The following NDUFB5 variants were observed in gnomAD, a reference collection of about 807,000 sequenced individuals.
The protein encoded by NDUFB5 is NADH:ubiquinone oxidoreductase subunit B5, also known as NADH dehydrogenase [ubiquinone] 1 beta subcomplex subunit 5, mitochondrial.
A neutral mutation model predicts 19.4 loss-of-function variants in NDUFB5; 19 were observed. That is an observed-to-expected ratio of 0.98 (90% CI 0.68 to 1.43). NDUFB5 has a LOEUF of 1.43. NDUFB5 is among the 40% of genes most tolerant of loss of function. The pLI, the probability that NDUFB5 is intolerant of heterozygous loss-of-function variation, is 0.00. For missense variants in NDUFB5, 233 were observed against 236.5 expected, an observed-to-expected ratio of 0.99 and a Z score of 0.10; for synonymous variants, 80 against 82.6, an observed-to-expected ratio of 0.97 and a Z score of 0.17.
At chr3:179,606,581 A>C (rs1242306987) in intron 1 of NDUFB5, among the ~76,000 whole-genome samples, 2 of 152,042 alleles carry the variant, frequency 1.3e-5, no homozygotes, top group Non-Finnish European at 2.9e-5. Context: ...CTCGTGATCC[A>C]CCTGCCTTGG....
chr3:179,611,547 G>T (rs970980051), intron 1 of NDUFB5, among the ~76,000 whole-genome samples: 1 of 151,976 alleles, frequency 6.6e-6, no homozygotes, highest in Admixed American at 6.6e-5. Context: ...CGAGTAGCTG[G>T]GATCACAGGC....
intron 1 of NDUFB5, among the ~76,000 whole-genome samples, chr3:179,608,028 T>TCTTG (rs1719148782): frequency 6.6e-6 from 1 of 152,064 alleles, no homozygotes; most frequent in Non-Finnish European, 1.5e-5. Context: ...TGAGACAGAG[T>TCTTG]CTTGCTCTGT....
intron 1 of NDUFB5, among the ~76,000 whole-genome samples, chr3:179,606,698 A>T (rs1350092659): frequency 6.6e-6 from 1 of 152,208 alleles, no homozygotes; most frequent in East Asian, 1.9e-4. Context: ...TTAGATATAT[A>T]CTGTAAGCTA....
At chr3:179,621,539 C>A in intron 5 of NDUFB5, among the ~76,000 whole-genome samples, 1 of 119,160 alleles carries the variant, frequency 8.4e-6, no homozygotes, top group African/African-American at 2.6e-5. Context: ...GTCTCCCAGG[C>A]TGGAGTACAG....
chr3:179,604,839 G>A lies in NDUFB5; in HGVS notation c.24G>A (p.Arg8=), dbSNP rs758096907. 3.7e-6 allele frequency: 6 copies of A among 1,606,226 alleles called. No individual in the cohort carries two copies. In the South Asian group the frequency reaches 5.5e-5, roughly 15 times the overall value. Residue 8 remains arginine (R), a synonymous_variant, in exon 1 of 6, where the codon CGG becomes CGA. Coordinates refer to ENST00000259037, the MANE Select transcript of NDUFB5 (RefSeq NM_002492.4). Reference sequence around the variant, plus strand: ...CCATGGCGGCCATGAGTTTGTTGCGGCGGGTTTCGGTTACTGCGGTGGCAG... The same window carrying A: ...CCATGGCGGCCATGAGTTTGTTGCGACGGGTTTCGGTTACTGCGGTGGCAG... MAAMSLL[R]RVSVTAVAAL... is the part of the protein sequence containing the mutation.
chr3:179,611,721 A>G (rs1243857629), intron 1 of NDUFB5, among the ~76,000 whole-genome samples: 1 of 152,064 alleles, frequency 6.6e-6, no homozygotes, highest in African/African-American at 2.4e-5. Context: ...TTTGACACAC[A>G]AAAAGTTCCC....
intron 5 of NDUFB5, among the ~76,000 whole-genome samples, chr3:179,623,440 A>G (rs1343161840): frequency 2.6e-5 from 4 of 152,232 alleles, no homozygotes; most frequent in Admixed American, 2.6e-4. Context: ...TGGGAGGCCA[A>G]GGCAGGCAGA....
intron 1 of NDUFB5, among the ~76,000 whole-genome samples, chr3:179,612,539 G>T (rs1028152643): frequency 6.8e-6 from 1 of 146,648 alleles, no homozygotes; most frequent in Non-Finnish European, 1.5e-5. Flanking sequence ...GCAGTGGCGC[G>T]ATCTAGGCTC....
chr3:179,624,273 G>A lies in NDUFB5; in HGVS notation c.*233G>A, dbSNP rs1719612170. ...TAGGAATTTGTGAACTCCTAAAATT[G>A]TAGCAACTTTGAAAGGTTAGTGTTT... is the stretch of plus-strand genomic sequence containing the variant. On this transcript the variant is annotated 3_prime_UTR_variant, in exon 6 of 6. Transcript: ENST00000259037. 3.0e-6 allele frequency: 1 copy of A among 332,406 alleles called. No homozygotes were observed. The highest frequency in any genetic ancestry group is 5.0e-5 in the South Asian group (1 of 20,034). 20.6% of individuals were successfully genotyped at this position (332,406 alleles called of 1,614,324 possible).
chr3:179,612,067 A>C (rs146169478), intron 1 of NDUFB5, among the ~76,000 whole-genome samples: 5,518 of 151,988 alleles, frequency 0.036, 325 homozygotes, highest in African/African-American at 0.12. Flanking sequence ...CTCCCGCCTC[A>C]GCCTCCCGAG....
At chr3:179,616,516 C>G (rs4147791) in intron 3 of NDUFB5, among the ~76,000 whole-genome samples, 2 of 151,828 alleles carry the variant, frequency 1.3e-5, no homozygotes, top group African/African-American at 4.8e-5. Flanking sequence ...CACTCCAGCC[C>G]GGGCAACAGA....
Position 179,623,954 on chromosome 3 carries a change from G to A in NDUFB5, c.484G>A (p.Val162Met), listed in dbSNP as rs1719601171. The change falls in exon 6 of 6, where the codon GTG (valine) becomes ATG (methionine). Residue 162 changes from valine (V) to methionine (M), a missense_variant. By Grantham distance (21) the Val-to-Met change is conservative. Transcript: ENST00000259037. ...GCTGGAAGTGCGAAAATTGATGCAT[G>A]TGAGAGGAGATGGACCCTGGTATTA... ...KELEVRKLMHVRGDGPWYYYE... is the reference protein window; with the variant it reads ...KELEVRKLMHMRGDGPWYYYE... 6.2e-7 allele frequency: 1 copy of A among 1,613,904 alleles called. No individual in the cohort carries two copies. The highest frequency in any genetic ancestry group is 8.5e-7 in the Non-Finnish European group (1 of 1,179,934).
chr3:179,625,591 A>G lies in NDUFB5; in HGVS notation c.*1551A>G, dbSNP rs760660039. 2.2e-4 allele frequency: 34 copies of G among 152,126 alleles called. No homozygotes were observed. Among genetic ancestry groups the G allele is most frequent in the Non-Finnish European group, 4.1e-4 (28 of 67,998 alleles). 9.4% of individuals were successfully genotyped at this position (152,126 alleles called of 1,614,324 possible). ...TAGAAGTATATATAAGTATATTATT[A>G]TATGTTATTGTTAACTATAATTTAC... is the stretch of plus-strand genomic sequence containing the variant. On this transcript the variant is annotated 3_prime_UTR_variant, in exon 6 of 6. Coordinates refer to ENST00000259037, the MANE Select transcript of NDUFB5 (RefSeq NM_002492.4).
chr3:179,606,078 C>T (rs1719089562), intron 1 of NDUFB5, among the ~76,000 whole-genome samples: 1 of 152,210 alleles, frequency 6.6e-6, no homozygotes, highest in African/African-American at 2.4e-5. Flanking sequence ...AGGCGTAAGC[C>T]ACTGCACCTG....
intron 2 of NDUFB5, chr3:179,615,572 G>C (rs910485597): frequency 6.5e-6 from 3 of 463,332 alleles, no homozygotes; most frequent in Non-Finnish European, 1.3e-5. Context: ...TACGAACAAA[G>C]TAGAGGCTTA....
At chr3:179,608,337 G>A (rs1261877049) in intron 1 of NDUFB5, among the ~76,000 whole-genome samples, 2 of 151,970 alleles carry the variant, frequency 1.3e-5, no homozygotes, top group Non-Finnish European at 2.9e-5. Context: ...GATTACAGGT[G>A]CACACCTCCA....
chr3:179,605,449 TTTTTGTTTTG>T (rs749042417), intron 1 of NDUFB5, among the ~76,000 whole-genome samples: 5 of 151,196 alleles, frequency 3.3e-5, no homozygotes, highest in African/African-American at 7.3e-5. Flanking sequence ...GGAAGAGAGG[TTTTTGTTTTG>T]TTTTGTTTTG....
intron 5 of NDUFB5, among the ~76,000 whole-genome samples, chr3:179,619,122 A>G (rs1719458990): frequency 6.6e-6 from 1 of 151,254 alleles, no homozygotes; most frequent in African/African-American, 2.4e-5. Flanking sequence ...TCTTTCTTAT[A>G]CATTATATTT....
chr3:179,612,494 T>C (rs1277178198), intron 1 of NDUFB5, among the ~76,000 whole-genome samples: 2 of 150,186 alleles, frequency 1.3e-5, no homozygotes, highest in Admixed American at 6.6e-5. Context: ...TTTTTTTTTT[T>C]TGAGACAGAG....
Sources: gnomAD v4.1 joint callset for allele counts (sites outside exome capture counted in the v4.1 genomes callset) on GRCh38, gnomAD v4.1.1 for gene constraint, MANE v1.5 for transcripts, NCBI Gene and HGNC (gene_info 2026-07-23, HGNC 2026-07-21) for gene names.